The following TBC1D22A variants were observed in gnomAD, a reference collection of about 807,000 sequenced individuals.
The protein encoded by TBC1D22A is TBC1 domain family member 22A.
TBC1D22A carries 38 observed loss-of-function variants against 60.2 expected under a neutral mutation model. The ratio of observed to expected loss-of-function variants is 0.63; its 90% CI spans 0.49 to 0.83. The LOEUF (loss-of-function observed/expected upper bound fraction) is 0.83. TBC1D22A is among the 40% of genes least tolerant of loss of function. TBC1D22A has a pLI of 0.00. For synonymous variants in TBC1D22A, 302 were observed against 281.7 expected, an observed-to-expected ratio of 1.07 and a Z score of -0.72; for missense variants, 628 against 701.0, an observed-to-expected ratio of 0.90 and a Z score of 1.18.
At chr22:47,168,889 C>T (rs2068313975) in intron 12 of TBC1D22A, among the ~76,000 whole-genome samples, 1 of 152,260 alleles carries the variant, frequency 6.6e-6, no homozygotes, top group Non-Finnish European at 1.5e-5. Flanking sequence ...GTGTCAGGAG[C>T]CTCGCCTGCT....
intron 4 of TBC1D22A, among the ~76,000 whole-genome samples, chr22:46,829,793 A>C (rs1044395814): frequency 3.9e-5 from 6 of 152,124 alleles, no homozygotes; most frequent in Admixed American, 3.9e-4. Context: ...TGTTTCCAAA[A>C]TTGGCTCTTT....
intron 6 of TBC1D22A, among the ~76,000 whole-genome samples, chr22:46,893,512 A>G (rs2068512252): frequency 6.6e-6 from 1 of 152,164 alleles, no homozygotes; most frequent in South Asian, 2.1e-4. Flanking sequence ...CTCCTATGTA[A>G]GCGGGCTTTG....
intron 4 of TBC1D22A, among the ~76,000 whole-genome samples, chr22:46,820,225 A>G (rs1487707841): frequency 1.3e-5 from 2 of 149,092 alleles, no homozygotes; most frequent in Non-Finnish European, 3.0e-5. Flanking sequence ...TTTGTGTCTC[A>G]GTCTCCTTCA....
At chr22:46,978,594 A>C (rs920280679) in intron 9 of TBC1D22A, among the ~76,000 whole-genome samples, 1 of 152,126 alleles carries the variant, frequency 6.6e-6, no homozygotes, top group Non-Finnish European at 1.5e-5. Context: ...CATAGTTGGA[A>C]AAGGAAGCGT....
intron 7 of TBC1D22A, among the ~76,000 whole-genome samples, chr22:46,897,372 A>G (rs537651811): frequency 2.0e-5 from 3 of 152,292 alleles, no homozygotes; most frequent in South Asian, 4.2e-4. Flanking sequence ...AAAGCGACCA[A>G]TGAGAGGCTG....
In TBC1D22A at chr22:46,894,738, G is replaced by A. The variant is rs746791506; in HGVS notation, c.838-46G>A. On this transcript the variant is annotated intron_variant, in intron 6 of 12. Transcript: ENST00000337137. ...TTTTAATCATATCGCTCGTAATGAT[G>A]TTTGTTGTGACGTAACATAAATGTC... is the stretch of plus-strand genomic sequence containing the variant. 6 of 1,608,038 alleles carry A rather than the reference G, an allele frequency of 3.7e-6. No homozygotes were observed. In the South Asian group the frequency reaches 4.4e-5, roughly 12 times the overall value.
At chr22:46,985,023 G>A (rs1338326855) in intron 9 of TBC1D22A, among the ~76,000 whole-genome samples, 1 of 152,330 alleles carries the variant, frequency 6.6e-6, no homozygotes, top group South Asian at 2.1e-4. Context: ...GTTGAGGGGG[G>A]AGCCTCCGCC....
At chr22:47,114,240 AGGGTGTGGGGTGTG>A (rs375583744) in intron 12 of TBC1D22A, among the ~76,000 whole-genome samples, 33 of 145,212 alleles carry the variant, frequency 2.3e-4, no homozygotes, top group African/African-American at 3.8e-4. Flanking sequence ...CCACACGGCC[AGGGTGTGGGGTGTG>A]GGGTGTGGGG....
At chr22:47,165,947 C>T (rs1425079921) in intron 12 of TBC1D22A, among the ~76,000 whole-genome samples, 1 of 152,290 alleles carries the variant, frequency 6.6e-6, no homozygotes, top group South Asian at 2.1e-4. Flanking sequence ...CGCATGTCAC[C>T]GTGGTGAATC....
rs758912287 is a variant in TBC1D22A at position 46,805,853 on chromosome 22, CT to C, written c.637+8241del. ...TTCTGTCCTTCTTCTTCTTCTTCTT[CT>C]TTTTTTTCTTTATTTTGAGATGGAG... On this transcript the variant is annotated intron_variant, in intron 4 of 12. Coordinates refer to ENST00000337137, the MANE Select transcript of TBC1D22A (RefSeq NM_014346.5). 9.1e-4 allele frequency among the ~76,000 whole-genome samples: 120 copies of C among 131,296 alleles called. No individual in the cohort carries two copies. In the Middle Eastern group the frequency reaches 0.017, roughly 18 times the overall value. 86.1% of individuals were successfully genotyped at this position (131,296 alleles called of 152,430 possible). A position where few individuals can be genotyped will look rare whatever the true frequency, so the allele number is the denominator to read the frequency against.
chr22:46,897,641 T>G (rs1208131758), intron 7 of TBC1D22A, among the ~76,000 whole-genome samples: 3 of 126,320 alleles, frequency 2.4e-5, no homozygotes, highest in Non-Finnish European at 4.8e-5. Context: ...TTTCGTTTTG[T>G]TTTTTTTTGT....
rs916918749 is a variant in TBC1D22A, at chr22:46,878,671, G to C, written c.656G>C (p.Ser219Thr). The C allele has an allele frequency of 6.2e-7, 1 of 1,613,112 alleles. No individual in the cohort carries two copies. The highest frequency in any genetic ancestry group is 1.3e-5 in the African/African-American group (1 of 74,900). ...TCAACAGAGGAATTACGGAGGTTGA[G>C]CTGGTCCGGAATCCCTAAGCCAGTG... ...NTDLEELRRL[S>T]WSGIPKPVRP... Residue 219 changes from serine (S) to threonine (T), a missense_variant, in exon 5 of 13, where the codon AGC (serine) becomes ACC (threonine). Physicochemically the swap from Ser to Thr is moderately conservative, Grantham distance 58. Coordinates refer to ENST00000337137, the MANE Select transcript of TBC1D22A (RefSeq NM_014346.5).
intron 4 of TBC1D22A, among the ~76,000 whole-genome samples, chr22:46,862,315 G>A (rs147523864): frequency 8.8e-4 from 132 of 150,388 alleles, no homozygotes; most frequent in African/African-American, 3.0e-3. Context: ...TCGGGTATGT[G>A]AAGTCAACAG....
At chr22:47,004,966 A>T (rs1398544697) in intron 10 of TBC1D22A, among the ~76,000 whole-genome samples, 1 of 151,840 alleles carries the variant, frequency 6.6e-6, no homozygotes, top group African/African-American at 2.4e-5. Context: ...TTACATCTGT[A>T]CACACCTGTC....
intron 11 of TBC1D22A, among the ~76,000 whole-genome samples, chr22:47,060,798 G>C (rs2063547176): frequency 6.6e-6 from 1 of 152,220 alleles, no homozygotes; most frequent in African/African-American, 2.4e-5. Context: ...CAGTCCAGCA[G>C]CAGGTGCCTT....
At chr22:47,026,742 G>A (rs1275854178) in intron 10 of TBC1D22A, among the ~76,000 whole-genome samples, 3 of 152,314 alleles carry the variant, frequency 2.0e-5, no homozygotes, top group East Asian at 1.9e-4. Flanking sequence ...AAACAATGCT[G>A]AGAGAAATGA....
chr22:47,077,389 G>A (rs1569423575), intron 11 of TBC1D22A, among the ~76,000 whole-genome samples: 1 of 152,162 alleles, frequency 6.6e-6, no homozygotes, highest in Non-Finnish European at 1.5e-5. Context: ...AGGGCAGTTT[G>A]TCCCTTTAAC....
intron 10 of TBC1D22A, among the ~76,000 whole-genome samples, chr22:47,000,247 AG>A (rs2075267690): frequency 6.6e-6 from 1 of 152,082 alleles, no homozygotes; most frequent in South Asian, 2.1e-4. Context: ...CGCGAGGATA[AG>A]GGCTCATCAG....
At chr22:46,984,589 T>C (rs2074651521) in intron 9 of TBC1D22A, among the ~76,000 whole-genome samples, 1 of 152,202 alleles carries the variant, frequency 6.6e-6, no homozygotes, top group Admixed American at 6.5e-5. Flanking sequence ...GGTTCACTAC[T>C]GAACAGGACA....
Sources: gnomAD v4.1 joint callset for allele counts (sites outside exome capture counted in the v4.1 genomes callset) on GRCh38, gnomAD v4.1.1 for gene constraint, MANE v1.5 for transcripts, NCBI Gene and HGNC (gene_info 2026-07-23, HGNC 2026-07-21) for gene names.